IQGAP2: variants seen among roughly 807,000 people sequenced by gnomAD.
IQGAP2 encodes the protein IQ motif containing GTPase activating protein 2.
Under a neutral mutation model 201.3 loss-of-function variants are expected in IQGAP2, and 173 were observed. The ratio of observed to expected loss-of-function variants is 0.86; its 90% CI spans 0.76 to 0.98. The LOEUF is 0.98. Among genes scored for constraint, IQGAP2 ranks in the 50% least tolerant of loss-of-function variants. The probability of loss-of-function intolerance (pLI) is 0.00; values close to 1 mark genes in which losing one functional copy is unlikely to be tolerated. For missense variants in IQGAP2, 1,687 were observed against 1,864.8 expected, an observed-to-expected ratio of 0.90 and a Z score of 1.76; for synonymous variants, 675 against 673.9, an observed-to-expected ratio of 1.00 and a Z score of -0.03.
intron 1 of IQGAP2, among the ~76,000 whole-genome samples, chr5:76,433,326 T>A (rs1197538324): frequency 2.6e-5 from 4 of 152,202 alleles, no homozygotes; most frequent in Non-Finnish European, 5.9e-5. Flanking sequence ...GGTCTTAGAT[T>A]TAAGTCTTTG....
chr5:76,567,179 C>G (rs1274615555), intron 3 of IQGAP2, among the ~76,000 whole-genome samples: 1 of 152,166 alleles, frequency 6.6e-6, no homozygotes, highest in Non-Finnish European at 1.5e-5. Flanking sequence ...TTAACTTTGG[C>G]TCTCTGAGCC....
chr5:76,657,601 C>T (rs1742865892), intron 20 of IQGAP2, among the ~76,000 whole-genome samples: 2 of 152,178 alleles, frequency 1.3e-5, no homozygotes, highest in African/African-American at 4.8e-5. Context: ...CTAGCTCTTC[C>T]AAGTCATCTT....
Position 76,577,305 on chromosome 5 carries a change from T to G in IQGAP2, c.458+1536T>G, listed in dbSNP as rs146987892. 7.7e-3 allele frequency among the ~76,000 whole-genome samples: 1,168 copies of G among 152,360 alleles called. 4 individuals are homozygous for G. The highest frequency in any genetic ancestry group is 0.027 in the African/African-American group (1,107 of 41,576). ...CTTACATGTGTATTTGCCATGGTTTTAACAATGGCTTGAATAGCTTGGTAA... is the reference window on the plus strand; with the variant it reads ...CTTACATGTGTATTTGCCATGGTTTGAACAATGGCTTGAATAGCTTGGTAA... On this transcript the variant is annotated intron_variant, in intron 5 of 35. Coordinates refer to ENST00000274364, the MANE Select transcript of IQGAP2 (RefSeq NM_006633.5).
intron 33 of IQGAP2, chr5:76,699,506 CAGA>C: frequency 6.6e-6 from 1 of 152,276 alleles, no homozygotes; most frequent in South Asian, 2.1e-4. Context: ...GCTGAAATCA[CAGA>C]AGATTTGATA....
chr5:76,403,538 C>A lies in IQGAP2; in HGVS notation c.-8C>A, dbSNP rs1750625279. The A allele has an allele frequency of 2.7e-6, 4 of 1,506,864 alleles. No individual in the cohort carries two copies. The highest frequency in any genetic ancestry group is 3.5e-6 in the Non-Finnish European group (4 of 1,134,690). The allele number at this position is 1,506,864 out of a possible 1,614,324, so 93.3% of individuals were successfully genotyped here. A position where few individuals can be genotyped will look rare whatever the true frequency, so the allele number is the denominator to read the frequency against. On this transcript the variant is annotated 5_prime_UTR_variant, in exon 1 of 36. Coordinates refer to ENST00000274364, the MANE Select transcript of IQGAP2 (RefSeq NM_006633.5). The surrounding 1 kb of genome is among the most constrained non-coding windows in gnomAD (Gnocchi z 4.8). The stretch of plus-strand genomic sequence containing the variant: ...CGCGCCCCGGGCGGGCCCCCGGAGA[C>A]GCGCAGGATGCCACACGAAGAGCTG...
At chr5:76,601,326 G>A (rs1336827127) in intron 11 of IQGAP2, among the ~76,000 whole-genome samples, 2 of 152,198 alleles carry the variant, frequency 1.3e-5, no homozygotes, top group African/African-American at 2.4e-5. Flanking sequence ...TAATCATCCA[G>A]TCCAATTCTT....
At chr5:76,481,287 G>T (rs6453224) in intron 2 of IQGAP2, among the ~76,000 whole-genome samples, 146,883 of 152,280 alleles carry the variant, frequency 0.96, 71,040 homozygotes, top group Non-Finnish European at 1. Flanking sequence ...ACTAGCCACA[G>T]TAAAAAAGTA....
chr5:76,706,125 T>C (rs13188750), intron 35 of IQGAP2, among the ~76,000 whole-genome samples: 49,098 of 152,092 alleles, frequency 0.32, 8,075 homozygotes, highest in Non-Finnish European at 0.35. Flanking sequence ...GGAAATAGTA[T>C]GAGCACTTCT....
At chr5:76,671,055 A>G (rs1744262637) in intron 23 of IQGAP2, among the ~76,000 whole-genome samples, 1 of 151,794 alleles carries the variant, frequency 6.6e-6, no homozygotes, top group South Asian at 2.1e-4. Context: ...TTGAGGTCAG[A>G]AGTTGGGACC....
rs532445369 is a variant in IQGAP2, at chr5:76,673,947, T to C, written c.3210-5T>C. On this transcript the variant is annotated splice_region_variant and splice_polypyrimidine_tract_variant and intron_variant, in intron 25 of 35. Coordinates refer to ENST00000274364, the MANE Select transcript of IQGAP2 (RefSeq NM_006633.5). ...ATTTTCTTTTGTCATCTGTTTTATATGTAGTTATGGATTGAGGTATATAGC... is the reference window on the plus strand; with the variant it reads ...ATTTTCTTTTGTCATCTGTTTTATACGTAGTTATGGATTGAGGTATATAGC... 24 of 1,510,348 alleles carry C rather than the reference T, an allele frequency of 1.6e-5. No homozygotes were observed. The highest frequency in any genetic ancestry group is 1.4e-4 in the Admixed American group (8 of 59,174). 93.6% of individuals were successfully genotyped at this position (1,510,348 alleles called of 1,614,324 possible). A position where few individuals can be genotyped will look rare whatever the true frequency, so the allele number is the denominator to read the frequency against.
rs547155944 is a variant in IQGAP2, at chr5:76,644,295, C to CTTTTTTTTTTTTT, written c.2094+3202_2094+3214dup. ...AATGAGACTGCCATTTTTGTAAATC[C>CTTTTTTTTTTTTT]TTTTTTTTTTTTTTTTTTTTTTGAG... On this transcript the variant is annotated intron_variant, in intron 17 of 35. Transcript: ENST00000274364. 2.7e-3 allele frequency among the ~76,000 whole-genome samples: 129 copies of CTTTTTTTTTTTTT among 47,754 alleles called. 24 individuals carry two copies. Among genetic ancestry groups the CTTTTTTTTTTTTT allele is most frequent in the East Asian group, 6.1e-3 (13 of 2,118 alleles). 31.3% of individuals were successfully genotyped at this position (47,754 alleles called of 152,430 possible).
intron 1 of IQGAP2, among the ~76,000 whole-genome samples, chr5:76,443,004 A>T (rs11950587): frequency 0.095 from 14,485 of 152,114 alleles, 1,771 homozygotes; most frequent in African/African-American, 0.29. Context: ...AAGAATAAAT[A>T]AAATAAAATC....
intron 17 of IQGAP2, among the ~76,000 whole-genome samples, chr5:76,642,761 A>C (rs1193466456): frequency 6.6e-6 from 1 of 152,204 alleles, no homozygotes; most frequent in East Asian, 1.9e-4. Context: ...TTTGGAGAGA[A>C]ATACAAAGGC....
intron 30 of IQGAP2, among the ~76,000 whole-genome samples, chr5:76,689,412 A>G (rs1289841984): frequency 6.6e-6 from 1 of 152,132 alleles, no homozygotes; most frequent in Non-Finnish European, 1.5e-5. Flanking sequence ...AGGAAGGGCT[A>G]TGATGATCAC....
At chr5:76,628,630 TTC>T (rs746989779) in intron 14 of IQGAP2, 3 of 437,798 alleles carry the variant, frequency 6.9e-6, no homozygotes, top group Non-Finnish European at 1.4e-5. Context: ...TTAGAATCTA[TTC>T]TGTTGTATCA....
chr5:76,618,769 A>T, intron 13 of IQGAP2: 1 of 821,722 alleles, frequency 1.2e-6, no homozygotes, highest in Non-Finnish European at 1.9e-6. Flanking sequence ...AAGTTATTGT[A>T]GATTAGGCAG....
At chr5:76,489,774 A>G (rs181251996) in intron 2 of IQGAP2, among the ~76,000 whole-genome samples, 12 of 152,312 alleles carry the variant, frequency 7.9e-5, no homozygotes, top group African/African-American at 2.9e-4. Context: ...GCCCACATAC[A>G]CTTTTAAAAA....
chr5:76,571,436 G>A (rs1489605541), intron 4 of IQGAP2, among the ~76,000 whole-genome samples: 2 of 152,048 alleles, frequency 1.3e-5, no homozygotes, highest in African/African-American at 4.8e-5. Context: ...TGTCCACCAC[G>A]GCATCCCAAA....
At chr5:76,497,329 C>T (rs1258852188) in intron 2 of IQGAP2, among the ~76,000 whole-genome samples, 1 of 152,162 alleles carries the variant, frequency 6.6e-6, no homozygotes, top group Non-Finnish European at 1.5e-5. Flanking sequence ...TATCTTCCAA[C>T]CAAGGGAGCT....
Sources: gnomAD v4.1 joint callset for allele counts (sites outside exome capture counted in the v4.1 genomes callset) on GRCh38, gnomAD v4.1.1 for gene constraint, Gnocchi (gnomAD v3.1) non-coding constraint, MANE v1.5 for transcripts, NCBI Gene and HGNC (gene_info 2026-07-23, HGNC 2026-07-21) for gene names.